The following VRTN variants were observed in gnomAD, a reference collection of about 807,000 sequenced individuals.
VRTN encodes the protein vertebrae development associated, also known as vertnin.
A neutral mutation model predicts 18.2 loss-of-function variants in VRTN; 5 were observed. The observed-to-expected ratio is 0.27, with a 90% confidence interval of 0.14 to 0.58. VRTN has a LOEUF of 0.58. Ranked by LOEUF, VRTN falls within the 20% of genes least tolerant of loss-of-function variation. The pLI, the probability that VRTN is intolerant of heterozygous loss-of-function variation, is 0.91. For missense variants in VRTN, 741 were observed against 939.4 expected (o/e 0.79, Z 2.76); for synonymous variants, 381 against 393.7 (o/e 0.97, Z 0.38).
At position 74,316,907 on chromosome 14, in the gene VRTN, G is replaced by C. The variant is rs112486823; in HGVS notation, c.-164+13731G>C. On this transcript the variant is annotated intron_variant, in intron 1 of 2. Transcript: ENST00000557177. ...CCGTCTCGGCCTCCCAAAGTGCTGG[G>C]ATTACAGGTGTGAGTCACCGCCCGG... Among the ~76,000 whole-genome samples, 1,339 of 152,098 alleles carry C rather than the reference G, an allele frequency of 8.8e-3. 20 individuals are homozygous for C. Among genetic ancestry groups the C allele is most frequent in the African/African-American group, 0.03 (1,265 of 41,502 alleles).
At chr14:74,328,252 C>G (rs904759320) in intron 1 of VRTN, among the ~76,000 whole-genome samples, 6 of 151,470 alleles carry the variant, frequency 4.0e-5, no homozygotes, top group African/African-American at 1.5e-4. Context: ...CACAATAGAG[C>G]TGTCAGAGGT....
upstream of VRTN, among the ~76,000 whole-genome samples, chr14:74,346,725 C>T (rs975608643): frequency 3.3e-5 from 5 of 152,078 alleles, no homozygotes; most frequent in African/African-American, 1.2e-4. Context: ...ATTTTTCTTC[C>T]CTTTACTTTA....
At chr14:74,317,763 C>T (rs932754459) in intron 1 of VRTN, among the ~76,000 whole-genome samples, 1 of 152,036 alleles carries the variant, frequency 6.6e-6, no homozygotes, top group Non-Finnish European at 1.5e-5. Context: ...GTTCGTGCCA[C>T]TATACTCCAG....
intron 1 of VRTN, among the ~76,000 whole-genome samples, chr14:74,307,137 CTTTTTTT>C (rs56345315): frequency 2.3e-5 from 2 of 87,744 alleles, no homozygotes; most frequent in African/African-American, 4.8e-5. Flanking sequence ...TGTTGTGGCC[CTTTTTTT>C]TTTTTTTTTT....
upstream of VRTN, among the ~76,000 whole-genome samples, chr14:74,347,405 G>A (rs1048679155): frequency 2.0e-5 from 3 of 152,322 alleles, no homozygotes; most frequent in Admixed American, 2.0e-4. Context: ...AGTGCCCCTG[G>A]GAAAGGGTGT....
chr14:74,330,615 A>G (rs1196773131), intron 1 of VRTN, among the ~76,000 whole-genome samples: 3 of 150,968 alleles, frequency 2.0e-5, no homozygotes, highest in African/African-American at 7.3e-5. Context: ...CTAATTTTGT[A>G]TTTTTAGTAG....
chr14:74,326,700 G>A (rs1349606347), intron 1 of VRTN, among the ~76,000 whole-genome samples: 3 of 151,912 alleles, frequency 2.0e-5, no homozygotes, highest in Admixed American at 2.0e-4. Flanking sequence ...CTGGACTCCT[G>A]CCAGCTCCAG....
chr14:74,356,329 T>C (rs1312121291), intron 1 of VRTN, among the ~76,000 whole-genome samples: 1 of 151,596 alleles, frequency 6.6e-6, no homozygotes, highest in Non-Finnish European at 1.5e-5. Context: ...GATTACAGGC[T>C]CTTGCCACTA....
At chr14:74,336,031 G>A (rs902086514) in intron 1 of VRTN, among the ~76,000 whole-genome samples, 4 of 151,280 alleles carry the variant, frequency 2.6e-5, no homozygotes, top group African/African-American at 4.9e-5. Context: ...GTGAGCCACC[G>A]CACCCAGCCT....
At chr14:74,328,999 G>A (rs900631439) in intron 1 of VRTN, among the ~76,000 whole-genome samples, 3 of 150,410 alleles carry the variant, frequency 2.0e-5, no homozygotes, top group Non-Finnish European at 3.0e-5. Flanking sequence ...GGCTGGGCAC[G>A]GTGGCTCATG....
chr14:74,350,247 T>C (rs568995518), intron 1 of VRTN, among the ~76,000 whole-genome samples: 2 of 151,818 alleles, frequency 1.3e-5, no homozygotes, highest in Non-Finnish European at 2.9e-5. Context: ...TGGGAGTGAG[T>C]GTGGAGCTGC....
At chr14:74,329,256 C>A (rs1482389506) in intron 1 of VRTN, among the ~76,000 whole-genome samples, 1 of 145,036 alleles carries the variant, frequency 6.9e-6, no homozygotes, top group Non-Finnish European at 1.5e-5. Flanking sequence ...GCCTGGGCGA[C>A]AAGAGCAAAA....
chr14:74,354,171 T>C (rs1300415358), intron 1 of VRTN, among the ~76,000 whole-genome samples: 1 of 152,234 alleles, frequency 6.6e-6, no homozygotes, highest in East Asian at 1.9e-4. Context: ...TACTTTCTCA[T>C]ATCTTTCTAT....
chr14:74,306,145 C>CATATATATATAT (rs71395615), intron 1 of VRTN: 5 of 94,630 alleles, frequency 5.3e-5, no homozygotes, highest in African/African-American at 9.0e-5. Flanking sequence ...TAAAAATATA[C>CATATATATATAT]ATATATATAT....
rs373486477 is a variant in VRTN at position 74,335,295 on chromosome 14, A to G, written c.-163-2428A>G. On this transcript the variant is annotated intron_variant, in intron 1 of 2. Coordinates refer to the VRTN transcript ENST00000557177. ...GAAAGAATAACCATAACTGGATAAT[A>G]GAATATGGGAAGCCATGTAGCAGAC... 3.9e-5 allele frequency among the ~76,000 whole-genome samples: 6 copies of G among 152,304 alleles called. No individual in the cohort carries two copies. The East Asian group carries it at 1.2e-3, about 29-fold the overall frequency.
chr14:74,318,555 G>A (rs544033736), intron 1 of VRTN, among the ~76,000 whole-genome samples: 11 of 152,118 alleles, frequency 7.2e-5, no homozygotes, highest in Admixed American at 6.6e-4. Flanking sequence ...ACAGGTGTGA[G>A]CCACCACGCA....
At chr14:74,332,343 T>G (rs907384006) in intron 1 of VRTN, among the ~76,000 whole-genome samples, 1 of 24,330 alleles carries the variant, frequency 4.1e-5, no homozygotes, top group Non-Finnish European at 6.7e-5. Flanking sequence ...CTGTTTTTTT[T>G]TTTTTTTTTT....
chr14:74,316,498 G>A (rs1232231805), intron 1 of VRTN, among the ~76,000 whole-genome samples: 1 of 151,156 alleles, frequency 6.6e-6, no homozygotes, highest in Non-Finnish European at 1.5e-5. Context: ...GGGCAACAAA[G>A]CGAGACATCT....
In VRTN at chr14:74,317,904, T is replaced by C. The variant is rs113072768; in HGVS notation, c.-164+14728T>C. Among the ~76,000 whole-genome samples the C allele has an allele frequency of 8.6e-3, 1,316 of 152,296 alleles. 16 individuals carry two copies. Among genetic ancestry groups the C allele is most frequent in the African/African-American group, 0.03 (1,265 of 41,578 alleles). The stretch of plus-strand genomic sequence containing the variant: ...GCTTTTGGAGGCCAACATGGGAGTA[T>C]TGCTTGAAGCCAGGAGCTTTATACC... On this transcript the variant is annotated intron_variant, in intron 1 of 2. Coordinates refer to the VRTN transcript ENST00000557177.
Sources: gnomAD v4.1 joint callset for allele counts (sites outside exome capture counted in the v4.1 genomes callset) on GRCh38, gnomAD v4.1.1 for gene constraint, MANE v1.5 for transcripts, NCBI Gene and HGNC (gene_info 2026-07-23, HGNC 2026-07-21) for gene names.